Variants in ACYP2 observed in about 807,000 individuals in gnomAD.
ACYP2 encodes acylphosphatase 2, also known as acylphosphatase-2.
A neutral mutation model predicts 11.2 loss-of-function variants in ACYP2; 12 were observed. The ratio of observed to expected loss-of-function variants is 1.08; its 90% CI spans 0.69 to 1.74. ACYP2 has a LOEUF of 1.74. Ranked by LOEUF, ACYP2 falls within the 40% of genes most tolerant of loss-of-function variation. The probability of loss-of-function intolerance (pLI) is 0.00; values close to 1 mark genes in which losing one functional copy is unlikely to be tolerated. For missense variants in ACYP2, 134 were observed against 101.9 expected (o/e 1.31, Z -1.35); for synonymous variants, 43 against 32.2 (o/e 1.33, Z -1.13).
chr2:54,011,376 A>C (rs1353008741), intron 2 of ACYP2, among the ~76,000 whole-genome samples: 1 of 152,186 alleles, frequency 6.6e-6, no homozygotes, highest in Non-Finnish European at 1.5e-5. Flanking sequence ...TGTAGCAGAA[A>C]TAATATTCAT....
chr2:54,258,401 G>A (rs1240124327), intron 6 of ACYP2, among the ~76,000 whole-genome samples: 1 of 152,156 alleles, frequency 6.6e-6, no homozygotes, highest in Non-Finnish European at 1.5e-5. Context: ...GAGCATGTCT[G>A]GAATGTTCAA....
At chr2:54,054,010 T>C (rs1675995465) in intron 3 of ACYP2, among the ~76,000 whole-genome samples, 1 of 152,134 alleles carries the variant, frequency 6.6e-6, no homozygotes, top group Admixed American at 6.5e-5. Context: ...ACTCTCTGGG[T>C]AGAGGATGGA....
chr2:54,038,673 CTA>C (rs56817782), intron 2 of ACYP2, among the ~76,000 whole-genome samples: 5,786 of 103,896 alleles, frequency 0.056, 148 homozygotes, highest in Middle Eastern at 0.096. Flanking sequence ...TTATTGAATA[CTA>C]TATATATATA....
intron 2 of ACYP2, among the ~76,000 whole-genome samples, chr2:53,999,912 C>T (rs969048187): frequency 3.9e-5 from 6 of 152,118 alleles, no homozygotes; most frequent in African/African-American, 1.4e-4. Context: ...GAAGTCAAAT[C>T]CACTTGCCCT....
chr2:54,048,281 G>C (rs1280947522), intron 2 of ACYP2, among the ~76,000 whole-genome samples: 1 of 152,004 alleles, frequency 6.6e-6, no homozygotes, highest in Admixed American at 6.6e-5. Flanking sequence ...AAAAAAGTCA[G>C]CTGAGTGTGG....
chr2:54,110,980 T>C (rs1427601493), intron 4 of ACYP2, among the ~76,000 whole-genome samples: 4 of 151,990 alleles, frequency 2.6e-5, no homozygotes, highest in Non-Finnish European at 5.9e-5. Context: ...GGCAGAGATA[T>C]GAGCCTCCAT....
intron 6 of ACYP2, among the ~76,000 whole-genome samples, chr2:54,265,301 G>C (rs189418627): frequency 1.1e-4 from 16 of 152,294 alleles, no homozygotes; most frequent in African/African-American, 3.8e-4. Flanking sequence ...CAGGCAAAGA[G>C]AGACAGCTTG....
chr2:54,294,917 T>TAAA (rs34195032), intron 6 of ACYP2, among the ~76,000 whole-genome samples: 40 of 147,796 alleles, frequency 2.7e-4, no homozygotes, highest in African/African-American at 8.7e-4. Flanking sequence ...TCCTGTCTCT[T>TAAA]AAAAAAAAAA....
At chr2:54,048,449 A>G (rs898495548) in intron 2 of ACYP2, among the ~76,000 whole-genome samples, 1 of 152,158 alleles carries the variant, frequency 6.6e-6, no homozygotes, top group Non-Finnish European at 1.5e-5. Flanking sequence ...AAAATTAACC[A>G]TGTGTTAACA....
At chr2:54,164,226 A>G (rs1256871730) in intron 6 of ACYP2, among the ~76,000 whole-genome samples, 3 of 152,142 alleles carry the variant, frequency 2.0e-5, no homozygotes, top group African/African-American at 7.2e-5. Flanking sequence ...AGCTTCTAGG[A>G]GTGAATCATG....
intron 6 of ACYP2, among the ~76,000 whole-genome samples, chr2:54,140,056 C>T (rs1221234842): frequency 1.3e-5 from 2 of 152,120 alleles, no homozygotes; most frequent in Non-Finnish European, 2.9e-5. Flanking sequence ...GTGTGTAAAA[C>T]TACACCTCAA....
intron 3 of ACYP2, among the ~76,000 whole-genome samples, chr2:54,053,071 T>C (rs1279735113): frequency 6.6e-6 from 1 of 152,250 alleles, no homozygotes. Context: ...TTTTCCTCCC[T>C]GGTCCTGATG....
intron 6 of ACYP2, among the ~76,000 whole-genome samples, chr2:54,176,472 G>C (rs1020102692): frequency 6.6e-6 from 1 of 152,186 alleles, no homozygotes; most frequent in Non-Finnish European, 1.5e-5. Context: ...ACTTTTGTAG[G>C]ACAGAGGAAT....
chr2:54,182,372 C>G (rs1378723416), intron 6 of ACYP2, among the ~76,000 whole-genome samples: 1 of 152,028 alleles, frequency 6.6e-6, no homozygotes, highest in Non-Finnish European at 1.5e-5. Flanking sequence ...GACAGAGTCT[C>G]ACTCTGTTGC....
chr2:54,178,432 G>GT (rs1456038857), intron 6 of ACYP2, among the ~76,000 whole-genome samples: 1 of 152,114 alleles, frequency 6.6e-6, no homozygotes, highest in Non-Finnish European at 1.5e-5. Context: ...CTAAAGAAAC[G>GT]TATTTTCAAG....
intron 6 of ACYP2, among the ~76,000 whole-genome samples, chr2:54,245,107 C>T (rs1263530915): frequency 3.3e-5 from 5 of 151,748 alleles, no homozygotes; most frequent in African/African-American, 4.8e-5. Context: ...TTTTTTAGCT[C>T]GTGCATATGA....
chr2:54,286,806 CA>C (rs1689096441), intron 6 of ACYP2, among the ~76,000 whole-genome samples: 1 of 151,952 alleles, frequency 6.6e-6, no homozygotes, highest in African/African-American at 2.4e-5. Flanking sequence ...AGGCCTAAAA[CA>C]AAATACAGCC....
chr2:54,123,071 A>G (rs1259708122), intron 4 of ACYP2: 2 of 292,746 alleles, frequency 6.8e-6, no homozygotes, highest in Non-Finnish European at 1.3e-5. Context: ...AGCGGGAGGA[A>G]GAAGAGGACA....
Position 54,194,005 on chromosome 2 carries a change from C to G in ACYP2, c.404+55257C>G, listed in dbSNP as rs143290541. Among the ~76,000 whole-genome samples the G allele has an allele frequency of 7.6e-4, 115 of 152,144 alleles. 1 individual carries two copies. Among genetic ancestry groups the G allele is most frequent in the African/African-American group, 2.4e-3 (100 of 41,516 alleles). On this transcript the variant is annotated intron_variant, in intron 6 of 6. Coordinates refer to ENST00000607452, the MANE Select transcript of ACYP2 (RefSeq NM_001320586.2). ...TTCCAAATAGGCATGATATATGAAG[C>G]CTTAGGACTGATCATCTTTCACCCC...
Sources: allele counts gnomAD v4.1 joint callset (sites outside exome capture counted in the v4.1 genomes callset), GRCh38; gene constraint gnomAD v4.1.1; transcripts MANE v1.5; gene names NCBI Gene and HGNC (gene_info 2026-07-23, HGNC 2026-07-21).